Variants in MICAL3 observed in about 807,000 individuals in gnomAD.
MICAL3 encodes [F-actin]-monooxygenase MICAL3.
Under a neutral mutation model 207.4 loss-of-function variants are expected in MICAL3, and 62 were observed. The observed-to-expected ratio is 0.30, with a 90% CI of 0.24 to 0.37. MICAL3 has a LOEUF of 0.37. Among genes scored for constraint, MICAL3 ranks in the 10% least tolerant of loss-of-function variants. The pLI, the probability that MICAL3 is intolerant of heterozygous loss-of-function variation, is 1.00. For synonymous variants in MICAL3, 1,077 were observed against 1,069.3 expected (o/e 1.01, Z -0.14); for missense variants, 2,368 against 2,635.6 (o/e 0.90, Z 2.22).
intron 16 of MICAL3, among the ~76,000 whole-genome samples, chr22:17,882,548 G>A (rs1929538360): frequency 6.6e-6 from 1 of 152,204 alleles, no homozygotes; most frequent in African/African-American, 2.4e-5. Flanking sequence ...TCTCTTTCAG[G>A]AGATAAATTT....
intron 29 of MICAL3, among the ~76,000 whole-genome samples, chr22:17,795,728 G>A (rs1162883723): frequency 7.2e-5 from 11 of 152,362 alleles, no homozygotes; most frequent in South Asian, 6.2e-4. Flanking sequence ...CTGCGGGGCC[G>A]CTACCTTCGG....
chr22:18,019,432 C>A, intron 1 of MICAL3: 1 of 153,202 alleles, frequency 6.5e-6, no homozygotes. Flanking sequence ...CAGTGTCTCA[C>A]GCCGGTAATC....
intron 25 of MICAL3, among the ~76,000 whole-genome samples, chr22:17,820,810 AATT>A (rs763169642): frequency 1.3e-5 from 2 of 148,304 alleles, no homozygotes; most frequent in African/African-American, 4.9e-5. Context: ...TTATCATAAA[AATT>A]ATATTATTTT....
intron 21 of MICAL3, 102 bp from the exon 22 acceptor site, chr22:17,827,883 G>A (rs1922365297): frequency 1.6e-6 from 2 of 1,264,300 alleles, no homozygotes; most frequent in African/African-American, 3.0e-5. Context: ...ATTGGCCAGG[G>A]TCAGTATGAA....
At chr22:17,977,667 T>C (rs140628639) in intron 1 of MICAL3, among the ~76,000 whole-genome samples, 81 of 152,266 alleles carry the variant, frequency 5.3e-4, no homozygotes, top group African/African-American at 1.8e-3. Context: ...CTCAAAAAGT[T>C]AAACATAGAG....
chr22:17,803,248 AGGAG>A (rs1212906909), intron 29 of MICAL3, among the ~76,000 whole-genome samples: 1 of 152,114 alleles, frequency 6.6e-6, no homozygotes, highest in Non-Finnish European at 1.5e-5. Flanking sequence ...GGACAGAGCA[AGGAG>A]GGAGGGACGT....
rs1930380938 is a variant in MICAL3, at chr22:17,891,340, T to C, written c.1694+145A>G. 5 of 664,780 alleles carry C rather than the reference T, an allele frequency of 7.5e-6. No individual in the cohort carries two copies. In the Admixed American group the frequency reaches 8.3e-5, roughly 11 times the overall value. 41.2% of individuals were successfully genotyped at this position (664,780 alleles called of 1,614,324 possible). A position where few individuals can be genotyped will look rare whatever the true frequency, so the allele number is the denominator to read the frequency against. ...TACATGACATACAGAGTTTCAAATA[T>C]AGTGAAATCAAAATCACTGCCTTCT... On this transcript the variant is annotated intron_variant, in intron 12 of 31. Coordinates refer to ENST00000441493, the MANE Select transcript of MICAL3 (RefSeq NM_015241.3).
intron 1 of MICAL3, among the ~76,000 whole-genome samples, chr22:17,940,842 G>A (rs923128187): frequency 6.6e-6 from 1 of 152,104 alleles, no homozygotes; most frequent in Non-Finnish European, 1.5e-5. Flanking sequence ...GCATCAAATA[G>A]CTCAAGAGGT....
intron 29 of MICAL3, among the ~76,000 whole-genome samples, chr22:17,794,123 G>A (rs1330210577): frequency 2.0e-5 from 3 of 152,186 alleles, no homozygotes; most frequent in Non-Finnish European, 4.4e-5. Context: ...CCTCCAAGAG[G>A]GATGATGTGT....
At chr22:17,892,252 T>C (rs531992490) in intron 11 of MICAL3, among the ~76,000 whole-genome samples, 2 of 152,352 alleles carry the variant, frequency 1.3e-5, no homozygotes, top group Admixed American at 6.5e-5. Context: ...CCTGAGAAAC[T>C]GAATAGGCAA....
intron 1 of MICAL3, among the ~76,000 whole-genome samples, chr22:17,977,571 A>T (rs1008574690): frequency 6.6e-6 from 1 of 152,068 alleles, no homozygotes; most frequent in Non-Finnish European, 1.5e-5. Flanking sequence ...ACAAGTGTTG[A>T]CAAGGATGTG....
In MICAL3 at chr22:17,808,884, T is replaced by G. The variant is rs2062014740; in HGVS notation, c.5610A>C (p.Glu1870Asp). ...GCGCCTTCTCCACAGCCACGCCCCT[T>G]TCCTCCAGCCGCCGCTGCCTCTCCT... is the stretch of plus-strand genomic sequence containing the variant. ...QVEERQRRLE[E>D]RGVAVEKALR... The change falls in exon 29 of 32, where the codon GAA becomes GAC. Residue 1870 changes from glutamate to aspartate, a missense_variant. This residue lies in a region of MICAL3 where 1,770 missense variants were observed against 1,863.2 expected (regional missense o/e 0.95). Coordinates refer to ENST00000441493, the MANE Select transcript of MICAL3 (RefSeq NM_015241.3). 1 of 1,553,202 alleles carries G rather than the reference T, an allele frequency of 6.4e-7. No individual in the cohort carries two copies. The highest frequency in any genetic ancestry group is 8.7e-7 in the Non-Finnish European group (1 of 1,148,284).
rs1489581909 is a variant in MICAL3 at position 17,796,895 on chromosome 22, G to A, written c.5651-5594C>T. On this transcript the variant is annotated intron_variant, in intron 29 of 31. Coordinates refer to ENST00000441493, the MANE Select transcript of MICAL3 (RefSeq NM_015241.3). The surrounding 1 kb of genome is among the most constrained non-coding windows in gnomAD (Gnocchi z 4.4). ...CTCTCATGGGCCCAAGACCCAGTGT[G>A]GGGTAGAATGGCCAACAGTGTGGGG... 6.6e-6 allele frequency among the ~76,000 whole-genome samples: 1 copy of A among 152,162 alleles called. No homozygotes were observed. The highest frequency in any genetic ancestry group is 1.5e-5 in the Non-Finnish European group (1 of 68,016).
chr22:17,897,422 CAAAA>C (rs71754131), intron 7 of MICAL3, among the ~76,000 whole-genome samples: 2 of 41,798 alleles, frequency 4.8e-5, no homozygotes, highest in Non-Finnish European at 9.3e-5. Flanking sequence ...GACTCCAACT[CAAAA>C]AAAAAAAAAA....
chr22:17,797,423 G>C (rs953214038), intron 29 of MICAL3, among the ~76,000 whole-genome samples: 2 of 152,160 alleles, frequency 1.3e-5, no homozygotes, highest in African/African-American at 4.8e-5. Context: ...GAGCCCGGGA[G>C]GTCAAGGCTG....
chr22:18,000,901 G>GGCGGAGCCTCGGC (rs1300454731), intron 1 of MICAL3, among the ~76,000 whole-genome samples: 1 of 152,184 alleles, frequency 6.6e-6, no homozygotes, highest in Non-Finnish European at 1.5e-5. Flanking sequence ...GGCAGGACCC[G>GGCGGAGCCTCGGC]GCGGAGCCTC....
chr22:18,018,421 C>G (rs1924209783), intron 1 of MICAL3, among the ~76,000 whole-genome samples: 2 of 152,068 alleles, frequency 1.3e-5, no homozygotes, highest in African/African-American at 4.8e-5. Context: ...TCAGTGTACA[C>G]AACAAAAATA....
chr22:17,803,833 G>A (rs185056787), intron 29 of MICAL3: 1 of 985,820 alleles, frequency 1.0e-6, no homozygotes, highest in African/African-American at 1.7e-5. Flanking sequence ...AGTCGATGAG[G>A]TCACTGTAAT....
intron 10 of MICAL3, 148 bp downstream of exon 10, chr22:17,895,136 T>A (rs537179546): frequency 6.4e-5 from 49 of 764,706 alleles, no homozygotes; most frequent in African/African-American, 4.4e-4. Flanking sequence ...GCTATCTACT[T>A]CTACCAATTC....
Sources: gnomAD v4.1 joint callset for allele counts (sites outside exome capture counted in the v4.1 genomes callset) on GRCh38, gnomAD v4.1.1 for gene constraint, gnomAD v4.1.1 regional missense constraint, Gnocchi (gnomAD v3.1) non-coding constraint, MANE v1.5 for transcripts, NCBI Gene and HGNC (gene_info 2026-07-23, HGNC 2026-07-21) for gene names.